The following SLC17A1 variants were observed in gnomAD, a reference collection of about 807,000 sequenced individuals.
SLC17A1 encodes sodium-dependent phosphate transport protein 1.
In SLC17A1, 51 loss-of-function variants were observed where a neutral mutation model predicts 53.5. The ratio of observed to expected loss-of-function variants is 0.95; its 90% CI spans 0.76 to 1.20. The LOEUF is 1.20. SLC17A1 is among the 50% of genes most tolerant of loss of function. The pLI, the probability that SLC17A1 is intolerant of heterozygous loss-of-function variation, is 0.00. For missense variants in SLC17A1, 538 were observed against 568.2 expected (o/e 0.95, Z 0.54); for synonymous variants, 179 against 198.8 (o/e 0.90, Z 0.84).
the SLC17A1 span, among the ~76,000 whole-genome samples, chr6:25,767,938 A>C: frequency 6.6e-6 from 1 of 152,232 alleles, no homozygotes; most frequent in African/African-American, 2.4e-5. Flanking sequence ...ATAAAAAGTA[A>C]TTTACAAAAT....
At chr6:25,742,011 G>A in the SLC17A1 span, among the ~76,000 whole-genome samples, 3 of 152,172 alleles carry the variant, frequency 2.0e-5, no homozygotes, top group African/African-American at 4.8e-5. Flanking sequence ...CTGGGTGAGG[G>A]AGCATTCAAA....
At chr6:25,795,373 T>C (rs181304252) in intron 12 of SLC17A1, among the ~76,000 whole-genome samples, 2 of 152,126 alleles carry the variant, frequency 1.3e-5, no homozygotes, top group East Asian at 3.9e-4. Context: ...GAATATAGCA[T>C]GTAAATAGAA....
downstream of SLC17A1, among the ~76,000 whole-genome samples, chr6:25,782,395 T>C (rs1763285017): frequency 6.6e-6 from 1 of 152,152 alleles, no homozygotes; most frequent in African/African-American, 2.4e-5. Context: ...CATTATTTTG[T>C]AGCATCTTTA....
At chr6:25,779,391 G>A, downstream of SLC17A1, 1 of 578,456 alleles carries the variant, frequency 1.7e-6, no homozygotes, top group South Asian at 2.7e-5. Context: ...AAGCATAGGT[G>A]TGTTGAGATT....
chr6:25,815,083 A>G lies in SLC17A1; in HGVS notation c.617-1870T>C, dbSNP rs149010016. ...GACAATTATAAAAGCTGTAATATAC[A>G]TGTAATAAAAAAAATCACAAGGTGT... On this transcript the variant is annotated intron_variant, in intron 6 of 12. Transcript: ENST00000244527. Among the ~76,000 whole-genome samples, 22 of 151,952 alleles carry G rather than the reference A, an allele frequency of 1.4e-4. No homozygotes were observed. The East Asian group carries it at 4.3e-3, about 29-fold the overall frequency.
the SLC17A1 span, chr6:25,769,109 C>T: frequency 6.2e-7 from 1 of 1,614,094 alleles, no homozygotes; most frequent in East Asian, 2.2e-5. Flanking sequence ...CCCCACCTAG[C>T]CAGCCCAATG....
chr6:25,802,239 A>C (rs1415223716), intron 10 of SLC17A1, among the ~76,000 whole-genome samples: 1 of 152,190 alleles, frequency 6.6e-6, no homozygotes, highest in African/African-American at 2.4e-5. Context: ...CAATTTGGAA[A>C]AGATTTTCAT....
the SLC17A1 span, among the ~76,000 whole-genome samples, chr6:25,742,131 C>G: frequency 2.6e-4 from 39 of 152,278 alleles, 1 homozygote; most frequent in East Asian, 7.0e-3. Flanking sequence ...GCCAAAGCCT[C>G]TGGGCAACCA....
At chr6:25,727,512 C>G in the SLC17A1 span, among the ~76,000 whole-genome samples, 1 of 151,652 alleles carries the variant, frequency 6.6e-6, no homozygotes, top group Non-Finnish European at 1.5e-5. Context: ...CTGCCTCAGC[C>G]TCCTGAGCAG....
At chr6:25,803,827 T>C (rs1416303375) in intron 10 of SLC17A1, among the ~76,000 whole-genome samples, 2 of 152,164 alleles carry the variant, frequency 1.3e-5, no homozygotes, top group Non-Finnish European at 2.9e-5. Context: ...TACTATTCTA[T>C]ATACTTGACC....
intron 10 of SLC17A1, among the ~76,000 whole-genome samples, chr6:25,803,042 G>A (rs1763834887): frequency 7.2e-6 from 1 of 138,772 alleles, no homozygotes; most frequent in Non-Finnish European, 1.5e-5. Flanking sequence ...CACCTCCCAG[G>A]TTCACGCCAT....
the SLC17A1 span, among the ~76,000 whole-genome samples, chr6:25,725,017 G>A: frequency 3.1e-5 from 1 of 32,614 alleles, no homozygotes; most frequent in East Asian, 2.7e-3. Context: ...GTAACCAAAT[G>A]ATTTTTTTTT....
At chr6:25,774,857 A>G in the SLC17A1 span, among the ~76,000 whole-genome samples, 1 of 152,236 alleles carries the variant, frequency 6.6e-6, no homozygotes, top group African/African-American at 2.4e-5. Flanking sequence ...TAACCTTGAC[A>G]GCCTCGGCTT....
the SLC17A1 span, among the ~76,000 whole-genome samples, chr6:25,727,460 C>T: frequency 6.7e-6 from 1 of 149,664 alleles, no homozygotes; most frequent in Non-Finnish European, 1.5e-5. Flanking sequence ...GGCGGAATCT[C>T]GGCTCACTGC....
the SLC17A1 span, among the ~76,000 whole-genome samples, chr6:25,736,715 T>C: frequency 6.6e-6 from 1 of 152,282 alleles, no homozygotes; most frequent in South Asian, 2.1e-4. Flanking sequence ...ACACCAAGAT[T>C]CTTTTAAAAT....
the SLC17A1 span, among the ~76,000 whole-genome samples, chr6:25,766,894 G>C: frequency 5.3e-5 from 8 of 152,138 alleles, no homozygotes; most frequent in Non-Finnish European, 1.0e-4. Context: ...GTGTAATGTG[G>C]CTCCCTATAT....
At chr6:25,746,560 A>G in the SLC17A1 span, among the ~76,000 whole-genome samples, 1 of 152,156 alleles carries the variant, frequency 6.6e-6, no homozygotes, top group Non-Finnish European at 1.5e-5. Context: ...GTAGTAAGAT[A>G]GTTTTATTGC....
Position 25,813,210 on chromosome 6 carries a change from G to A in SLC17A1, c.620C>T (p.Ala207Val), listed in dbSNP as rs1410036866. The change falls in exon 7 of 13, where the codon GCT (alanine) becomes GTT (valine). Residue 207 changes from alanine (A) to valine (V), a missense_variant. Coordinates refer to ENST00000244527, the MANE Select transcript of SLC17A1 (RefSeq NM_005074.5). ...GAGAAGACATACGGCACAGCCACAA[G>A]CACCTATCAAAGCAGGGTAAGTTAG... is the stretch of plus-strand genomic sequence containing the variant. ...GWPMVFYIFG[A>V]CGCAVCLLWF... 1.9e-6 allele frequency: 3 copies of A among 1,613,146 alleles called. No individual in the cohort carries two copies. The highest frequency in any genetic ancestry group is 1.7e-5 in the Admixed American group (1 of 60,022).
chr6:25,813,234 A>C, intron 6 of SLC17A1, 21 bp from the exon 7 acceptor site: 1 of 1,583,190 alleles, frequency 6.3e-7, no homozygotes, highest in Non-Finnish European at 8.7e-7. Flanking sequence ...AGGGTAAGTT[A>C]GAATTGGAAG....
Sources: allele counts gnomAD v4.1 joint callset (sites outside exome capture counted in the v4.1 genomes callset), GRCh38; gene constraint gnomAD v4.1.1; transcripts MANE v1.5; gene names NCBI Gene and HGNC (gene_info 2026-07-23, HGNC 2026-07-21).